STARD3: variants seen among roughly 807,000 people sequenced by gnomAD.
STARD3 encodes stAR-related lipid transfer protein 3.
STARD3 carries 39 observed loss-of-function variants against 62.0 expected under a neutral mutation model. That is an observed-to-expected ratio of 0.63 (90% CI 0.49 to 0.82). The LOEUF (loss-of-function observed/expected upper bound fraction) is 0.82. Among genes scored for constraint, STARD3 ranks in the 40% least tolerant of loss-of-function variants. The pLI, the probability that STARD3 is intolerant of heterozygous loss-of-function variation, is 0.00. For missense variants in STARD3, 543 were observed against 584.5 expected (o/e 0.93, Z 0.73); for synonymous variants, 229 against 242.4 (o/e 0.94, Z 0.51).
At chr17:39,656,867 G>A (rs919171768) in intron 2 of STARD3, 141 bp from the exon 3 acceptor site, 2 of 727,368 alleles carry the variant, frequency 2.7e-6, no homozygotes, top group Admixed American at 2.6e-5. Flanking sequence ...GTGCTTCCAG[G>A]GCCCCCTGGG....
At chr17:39,662,781 G>C (rs368676307) in intron 14 of STARD3, 23 bp from the exon 15 acceptor site, 1 of 1,595,288 alleles carries the variant, frequency 6.3e-7, no homozygotes, top group Non-Finnish European at 8.5e-7. Context: ...CATCAAGTGT[G>C]ACTTCTGCCT....
chr17:39,649,135 A>G (rs1277456737), intron 1 of STARD3, among the ~76,000 whole-genome samples: 1 of 152,182 alleles, frequency 6.6e-6, no homozygotes, highest in East Asian at 1.9e-4. Flanking sequence ...CCAGATGGGG[A>G]AAAATAAAGA....
Position 39,662,948 on chromosome 17 carries a change from C to T in STARD3, c.*40C>T. The stretch of plus-strand genomic sequence containing the variant: ...ACCCTGCGGGCCAGGGTCCTGTCGC[C>T]ACCACTTCCAGAGCCAGAAAGGGTG... On this transcript the variant is annotated 3_prime_UTR_variant, in exon 15 of 15. Transcript: ENST00000336308. 6.4e-7 allele frequency: 1 copy of T among 1,571,592 alleles called. No homozygotes were observed. The highest frequency in any genetic ancestry group is 8.7e-7 in the Non-Finnish European group (1 of 1,155,858).
intron 1 of STARD3, among the ~76,000 whole-genome samples, chr17:39,647,404 T>C (rs374845779): frequency 7.2e-5 from 11 of 152,212 alleles, no homozygotes; most frequent in East Asian, 3.9e-4. Flanking sequence ...GTGGGCTCTT[T>C]TGGCAGTGGG....
At chr17:39,648,157 C>T (rs1355154149) in intron 1 of STARD3, among the ~76,000 whole-genome samples, 3 of 151,962 alleles carry the variant, frequency 2.0e-5, no homozygotes, top group East Asian at 1.9e-4. Flanking sequence ...TGGTGGTGGG[C>T]GCCTGTAGTC....
At chr17:39,659,894 A>T (rs2057176169) in intron 9 of STARD3, 4 of 522,806 alleles carry the variant, frequency 7.7e-6, no homozygotes, top group Non-Finnish European at 1.4e-5. Flanking sequence ...GAGCTTGGAA[A>T]ACAGAGAGCA....
intron 3 of STARD3, among the ~76,000 whole-genome samples, 172 bp from the exon 4 acceptor site, chr17:39,657,603 G>C (rs11869286): frequency 0.53 from 80,342 of 151,830 alleles, 23,959 homozygotes; most frequent in South Asian, 0.71. Context: ...TAAGACCCCT[G>C]TGCAAGGTTA....
chr17:39,645,556 G>T (rs2057018182), intron 1 of STARD3, among the ~76,000 whole-genome samples: 1 of 151,234 alleles, frequency 6.6e-6, no homozygotes, highest in South Asian at 2.1e-4. Flanking sequence ...TGCAACCTCC[G>T]CTTCCCGGGT....
At chr17:39,659,683 G>A in intron 9 of STARD3, 130 bp downstream of exon 9, 1 of 991,728 alleles carries the variant, frequency 1.0e-6, no homozygotes, top group Non-Finnish European at 1.5e-6. Flanking sequence ...AGAGGGAGCT[G>A]GGCCCTCGGG....
Position 39,660,183 on chromosome 17 carries a change from T to C in STARD3, c.796-28T>C, listed in dbSNP as rs752739375. ...AGCCCACCCCCTGCCTCCACTCTCC[T>C]CCCTGCCACCTTCTGTCCCTGCCAT... On this transcript the variant is annotated intron_variant, in intron 9 of 14. Transcript: ENST00000336308. The surrounding 1 kb of genome is among the most constrained non-coding windows in gnomAD (Gnocchi z 4.8). 10 of 1,613,256 alleles carry C rather than the reference T, an allele frequency of 6.2e-6. No homozygotes were observed. Among genetic ancestry groups the C allele is most frequent in the Non-Finnish European group, 8.5e-6 (10 of 1,179,592 alleles).
chr17:39,645,095 TG>T (rs1324459062), intron 1 of STARD3, among the ~76,000 whole-genome samples: 4 of 152,174 alleles, frequency 2.6e-5, no homozygotes, highest in Admixed American at 2.6e-4. Context: ...CCTCCTCTTC[TG>T]TCTGCGGGAA....
At chr17:39,657,214 C>T (rs915328601) in intron 3 of STARD3, 129 bp downstream of exon 3, 4 of 891,608 alleles carry the variant, frequency 4.5e-6, no homozygotes, top group Non-Finnish European at 7.0e-6. Flanking sequence ...CCTTCGGGAG[C>T]CATCAGTCAT....
At chr17:39,657,676 A>G (rs2145013796) in intron 3 of STARD3, 99 bp from the exon 4 acceptor site, 1 of 1,303,428 alleles carries the variant, frequency 7.7e-7, no homozygotes, top group Admixed American at 1.7e-5. Context: ...GCATGCCCAT[A>G]GGAAGGGAAC....
intron 1 of STARD3, chr17:39,637,562 C>G (rs3817160): frequency 0.61 from 92,454 of 151,956 alleles, 31,598 homozygotes; most frequent in Non-Finnish European, 0.77. Context: ...GGGGAGGGGT[C>G]GGAATCTGGG....
chr17:39,645,365 A>C (rs1198393960), intron 1 of STARD3, among the ~76,000 whole-genome samples: 1 of 152,250 alleles, frequency 6.6e-6, no homozygotes, highest in Non-Finnish European at 1.5e-5. Context: ...TGAATTGTAG[A>C]GTTCAGATTT....
chr17:39,658,151 C>T lies in STARD3; in HGVS notation c.429+125C>T, dbSNP rs555767669. On this transcript the variant is annotated intron_variant, in intron 5 of 14. Coordinates refer to ENST00000336308, the MANE Select transcript of STARD3 (RefSeq NM_006804.4). Reference sequence around the variant, plus strand: ...GTCCGGGTTAGGGGGAGAGGGAATCCTGTCCTTTGGTATCTATAAGGAATC... The same window carrying T: ...GTCCGGGTTAGGGGGAGAGGGAATCTTGTCCTTTGGTATCTATAAGGAATC... 216 of 1,117,904 alleles carry T rather than the reference C, an allele frequency of 1.9e-4. 1 individual carries two copies. The African/African-American group carries it at 3.1e-3, about 16-fold the overall frequency. 69.2% of individuals were successfully genotyped at this position (1,117,904 alleles called of 1,614,324 possible). A position where few individuals can be genotyped will look rare whatever the true frequency, so the allele number is the denominator to read the frequency against.
At chr17:39,658,156 C>T in intron 5 of STARD3, 130 bp downstream of exon 5, 4 of 1,073,778 alleles carry the variant, frequency 3.7e-6, no homozygotes, top group South Asian at 2.7e-5. Flanking sequence ...GAATCCTGTC[C>T]TTTGGTATCT....
intron 2 of STARD3, among the ~76,000 whole-genome samples, chr17:39,655,307 T>C (rs1485008298): frequency 6.6e-6 from 1 of 151,798 alleles, no homozygotes; most frequent in African/African-American, 2.4e-5. Flanking sequence ...CACCTCAGCC[T>C]CCCCAGTAGC....
At chr17:39,639,487 G>A (rs1341606203) in intron 1 of STARD3, among the ~76,000 whole-genome samples, 1 of 152,192 alleles carries the variant, frequency 6.6e-6, no homozygotes, top group Non-Finnish European at 1.5e-5. Context: ...GCGATGGGAG[G>A]ATTTTATCAG....
Sources: gnomAD v4.1 joint callset for allele counts (sites outside exome capture counted in the v4.1 genomes callset) on GRCh38, gnomAD v4.1.1 for gene constraint, Gnocchi (gnomAD v3.1) non-coding constraint, MANE v1.5 for transcripts, NCBI Gene and HGNC (gene_info 2026-07-23, HGNC 2026-07-21) for gene names.